Variants in KIAA1549L observed in about 807,000 individuals in gnomAD.
KIAA1549L encodes KIAA1549 like.
KIAA1549L carries 88 observed loss-of-function variants against 160.7 expected under a neutral mutation model. That is an observed-to-expected ratio of 0.55 (90% CI 0.46 to 0.65). KIAA1549L has a LOEUF of 0.65. Among genes scored for constraint, KIAA1549L ranks in the 30% least tolerant of loss-of-function variants. The probability of loss-of-function intolerance (pLI) is 0.00; values close to 1 mark genes in which losing one functional copy is unlikely to be tolerated. For missense variants in KIAA1549L, 2,258 were observed against 2,437.5 expected (o/e 0.93, Z 1.55); for synonymous variants, 950 against 976.7 (o/e 0.97, Z 0.51).
chr11:33,412,098 T>G (rs1850796712), intron 1 of KIAA1549L, among the ~76,000 whole-genome samples: 1 of 152,222 alleles, frequency 6.6e-6, no homozygotes, highest in Non-Finnish European at 1.5e-5. Context: ...TTTTAGTGTT[T>G]AAAGGTCAGA....
At chr11:33,503,286 A>T (rs554559140) in intron 1 of KIAA1549L, among the ~76,000 whole-genome samples, 4 of 152,324 alleles carry the variant, frequency 2.6e-5, no homozygotes, top group African/African-American at 9.6e-5. Flanking sequence ...TTTCATCCGA[A>T]TCATTGTATA....
chr11:33,588,257 A>C (rs1849939510), intron 11 of KIAA1549L, among the ~76,000 whole-genome samples: 1 of 152,192 alleles, frequency 6.6e-6, no homozygotes, highest in Non-Finnish European at 1.5e-5. Flanking sequence ...GTTCAGCACC[A>C]AGGACAGTCC....
chr11:33,615,008 T>A (rs1245993074), intron 15 of KIAA1549L, among the ~76,000 whole-genome samples: 1 of 152,068 alleles, frequency 6.6e-6, no homozygotes, highest in African/African-American at 2.4e-5. Flanking sequence ...CTCCCACACT[T>A]TTCCAGTGGG....
chr11:33,495,214 G>A (rs1479061084), intron 1 of KIAA1549L, among the ~76,000 whole-genome samples: 3 of 151,868 alleles, frequency 2.0e-5, no homozygotes, highest in Admixed American at 6.6e-5. Flanking sequence ...CCATGCTGGT[G>A]CGCTGCACCC....
At chr11:33,381,706 T>C (rs558304631) in intron 1 of KIAA1549L, among the ~76,000 whole-genome samples, 1 of 152,164 alleles carries the variant, frequency 6.6e-6, no homozygotes, top group East Asian at 1.9e-4. Flanking sequence ...TAAGGTCAAG[T>C]ATGGAAGCCA....
At chr11:33,535,275 A>C (rs1273112654) in intron 1 of KIAA1549L, among the ~76,000 whole-genome samples, 4 of 152,176 alleles carry the variant, frequency 2.6e-5, no homozygotes, top group Non-Finnish European at 5.9e-5. Flanking sequence ...GTGGCCTCTT[A>C]CTTTATCAAG....
At position 33,671,459 on chromosome 11, in the gene KIAA1549L, T is replaced by G. The variant is rs141094196; in HGVS notation, c.*3305T>G. On this transcript the variant is annotated 3_prime_UTR_variant, in exon 21 of 21. Coordinates refer to ENST00000658780, the MANE Select transcript of KIAA1549L (RefSeq NM_012194.3). ...TCTTTCAGGGTAGATTATGTAAGAATCAATTCCCTGGTCCCAGGAGAAGTT... is the reference window on the plus strand; with the variant it reads ...TCTTTCAGGGTAGATTATGTAAGAAGCAATTCCCTGGTCCCAGGAGAAGTT... 6.6e-6 allele frequency: 1 copy of G among 152,194 alleles called. No homozygotes were observed. The highest frequency in any genetic ancestry group is 1.5e-5 in the Non-Finnish European group (1 of 68,032). 9.4% of individuals were successfully genotyped at this position (152,194 alleles called of 1,614,324 possible).
chr11:33,578,732 A>G (rs906357026), intron 10 of KIAA1549L, among the ~76,000 whole-genome samples: 12 of 152,128 alleles, frequency 7.9e-5, no homozygotes, highest in African/African-American at 2.7e-4. Context: ...TCATATCTAA[A>G]GCCACATAGG....
chr11:33,494,845 G>C (rs1343183185), intron 1 of KIAA1549L, among the ~76,000 whole-genome samples: 1 of 152,194 alleles, frequency 6.6e-6, no homozygotes, highest in African/African-American at 2.4e-5. Context: ...TGAGAAGAAC[G>C]ATTTGTCTTT....
chr11:33,630,790 C>T (rs1248045110), intron 16 of KIAA1549L, among the ~76,000 whole-genome samples: 1 of 152,204 alleles, frequency 6.6e-6, no homozygotes, highest in Non-Finnish European at 1.5e-5. Context: ...CCTATTTGGC[C>T]ATCTTGGCTC....
Position 33,672,583 on chromosome 11 carries a change from G to C in KIAA1549L, c.*4429G>C, listed in dbSNP as rs1450063328. 1.3e-5 allele frequency: 2 copies of C among 153,840 alleles called. No individual in the cohort carries two copies. Among genetic ancestry groups the C allele is most frequent in the Non-Finnish European group, 1.5e-5 (1 of 68,118 alleles). 9.5% of individuals were successfully genotyped at this position (153,840 alleles called of 1,614,324 possible). ...ACCTACTACACACTGGAACTGACTA[G>C]TACTCCTGGGATGCCATGCCACGCA... is the stretch of plus-strand genomic sequence containing the variant. On this transcript the variant is annotated 3_prime_UTR_variant, in exon 21 of 21. Coordinates refer to ENST00000658780, the MANE Select transcript of KIAA1549L (RefSeq NM_012194.3).
chr11:33,640,486 A>G (rs77796323), intron 16 of KIAA1549L, among the ~76,000 whole-genome samples: 23 of 152,258 alleles, frequency 1.5e-4, no homozygotes, highest in African/African-American at 4.6e-4. Flanking sequence ...CACACAATCT[A>G]TGTGGCAAAG....
At chr11:33,571,336 A>G (rs558612630) in intron 9 of KIAA1549L, among the ~76,000 whole-genome samples, 4 of 152,350 alleles carry the variant, frequency 2.6e-5, no homozygotes, top group South Asian at 4.1e-4. Flanking sequence ...CTTGAGGACA[A>G]GGACACACAG....
At position 33,520,785 on chromosome 11, in the gene KIAA1549L, T is replaced by C. The variant is rs1406872704; in HGVS notation, c.239-21017T>C. On this transcript the variant is annotated intron_variant, in intron 1 of 20. Transcript: ENST00000658780. ...CTCGTAATTGTTTTTTCTTGTTTTG[T>C]CTTGGTTGGGTGAAAACTTTGCATC... 3.3e-5 allele frequency among the ~76,000 whole-genome samples: 5 copies of C among 150,752 alleles called. No individual in the cohort carries two copies. In the South Asian group the frequency reaches 1.0e-3, roughly 32 times the overall value.
chr11:33,410,386 C>T (rs1850763160), intron 1 of KIAA1549L, among the ~76,000 whole-genome samples: 1 of 152,152 alleles, frequency 6.6e-6, no homozygotes, highest in Non-Finnish European at 1.5e-5. Flanking sequence ...TAATGGATGT[C>T]GTGTTCCTCT....
chr11:33,463,509 A>G (rs1851984497), intron 1 of KIAA1549L, among the ~76,000 whole-genome samples: 1 of 152,222 alleles, frequency 6.6e-6, no homozygotes, highest in South Asian at 2.1e-4. Flanking sequence ...GACCAAGCCC[A>G]TACCCACATG....
intron 16 of KIAA1549L, among the ~76,000 whole-genome samples, chr11:33,637,810 C>G (rs1414467320): frequency 6.6e-6 from 1 of 152,192 alleles, no homozygotes; most frequent in East Asian, 1.9e-4. Flanking sequence ...CTCTAATGAC[C>G]TCATTTAACT....
intron 1 of KIAA1549L, among the ~76,000 whole-genome samples, chr11:33,472,881 T>TA (rs1852209633): frequency 6.6e-6 from 1 of 152,184 alleles, no homozygotes; most frequent in African/African-American, 2.4e-5. Flanking sequence ...TGCTTCTACT[T>TA]ACCTCCAGGC....
Position 33,541,939 on chromosome 11 carries a change from G to A in KIAA1549L, c.376G>A (p.Gly126Arg). ...SAADRIKTVL[G>R]QSSDNTSLPQ... ...AGCAGACAGAATCAAGACCGTGCTG[G>A]GACAGTCCTCTGACAACACAAGCTT... The change falls in exon 2 of 21, where the codon GGA becomes AGA. Residue 126 changes from glycine to arginine, a missense_variant. By Grantham distance (125) the Gly-to-Arg change is moderately radical. Coordinates refer to ENST00000658780, the MANE Select transcript of KIAA1549L (RefSeq NM_012194.3). The A allele has an allele frequency of 5.4e-6, 2 of 370,854 alleles. No individual in the cohort carries two copies. Among genetic ancestry groups the A allele is most frequent in the Admixed American group, 5.7e-5 (2 of 35,050 alleles). The allele number at this position is 370,854 out of a possible 1,614,324, so 23.0% of individuals were successfully genotyped here.
Sources: allele counts gnomAD v4.1 joint callset (sites outside exome capture counted in the v4.1 genomes callset), GRCh38; gene constraint gnomAD v4.1.1; transcripts MANE v1.5; gene names NCBI Gene and HGNC (gene_info 2026-07-23, HGNC 2026-07-21).